RPN1: variants seen among roughly 807,000 people sequenced by gnomAD.
RPN1 encodes the protein ribophorin I, also known as dolichyl-diphosphooligosaccharide--protein glycosyltransferase subunit 1.
In RPN1, 12 loss-of-function variants were observed where a neutral mutation model predicts 55.5. The observed-to-expected ratio is 0.22, with a 90% CI of 0.14 to 0.35. The LOEUF (loss-of-function observed/expected upper bound fraction) is 0.35. RPN1 is among the 10% of genes least tolerant of loss of function. The pLI is 1.00. For synonymous variants in RPN1, 317 were observed against 305.9 expected (o/e 1.04, Z -0.38); for missense variants, 679 against 761.3 (o/e 0.89, Z 1.27).
At chr3:128,646,392 G>A (rs1248562552) in intron 1 of RPN1, among the ~76,000 whole-genome samples, 2 of 151,892 alleles carry the variant, frequency 1.3e-5, no homozygotes, top group Non-Finnish European at 2.9e-5. Flanking sequence ...TAATATAAAA[G>A]TTAAAACTGG....
chr3:128,640,055 C>G (rs982954583), intron 2 of RPN1, among the ~76,000 whole-genome samples: 2 of 151,978 alleles, frequency 1.3e-5, no homozygotes, highest in African/African-American at 4.8e-5. Context: ...GCCTGTAGTC[C>G]CAGATACTCG....
At chr3:128,641,759 C>T (rs2069727316) in intron 2 of RPN1, among the ~76,000 whole-genome samples, 1 of 151,956 alleles carries the variant, frequency 6.6e-6, no homozygotes, top group African/African-American at 2.4e-5. Flanking sequence ...CAGGCATGCA[C>T]CACCACTCCT....
At chr3:128,639,509 T>C (rs2069709245) in intron 2 of RPN1, among the ~76,000 whole-genome samples, 1 of 152,106 alleles carries the variant, frequency 6.6e-6, no homozygotes, top group Non-Finnish European at 1.5e-5. Context: ...TCAAGGAATG[T>C]TCAACAAAAT....
intron 1 of RPN1, among the ~76,000 whole-genome samples, chr3:128,646,779 G>GC (rs2069771887): frequency 2.0e-5 from 3 of 151,538 alleles, no homozygotes; most frequent in African/African-American, 4.9e-5. Context: ...TTTGAGAGCA[G>GC]CTGGCCAACA....
intron 3 of RPN1, among the ~76,000 whole-genome samples, chr3:128,633,850 A>G (rs930076803): frequency 2.6e-5 from 4 of 151,274 alleles, no homozygotes; most frequent in African/African-American, 9.7e-5. Flanking sequence ...AGGTGTGGTG[A>G]TGGGCGCCTG....
rs755358786 is a variant in RPN1 at position 128,620,429 on chromosome 3, G to C, written c.1806C>G (p.His602Gln). ...KRQELVTKID[H>Q]ILDAL ...GCAGGGGCTACAGGGCATCCAGGAT[G>C]TGGTCGATCTTGGTGACCAGCTCCT... Residue 602 changes from histidine to glutamine, a missense_variant, in exon 10 of 10, where the codon CAC becomes CAG. His to Gln is a conservative substitution (Grantham distance 24). Transcript: ENST00000296255. The C allele has an allele frequency of 6.2e-7, 1 of 1,613,818 alleles. No individual in the cohort carries two copies. The highest frequency in any genetic ancestry group is 2.2e-5 in the East Asian group (1 of 44,858).
rs13064206 is a variant in RPN1, at chr3:128,650,598, G to T, written c.203C>A (p.Ser68Tyr). The T allele has an allele frequency of 4.5e-6, 7 of 1,550,016 alleles. No homozygotes were observed. The highest frequency in any genetic ancestry group is 3.4e-4 in the Middle Eastern group (2 of 5,956). Residue 68 changes from serine to tyrosine, a missense_variant, in exon 1 of 10, where the codon TCT becomes TAT. Physicochemically the swap from Ser to Tyr is moderately radical, Grantham distance 144 (BLOSUM62 -2). Coordinates refer to ENST00000296255, the MANE Select transcript of RPN1 (RefSeq NM_002950.4). ...CTCAGGCTCCAAAGCCAGCAGGAAA[G>T]AGGTAGCTCGGGACGTGGAGCCGCC... is the stretch of plus-strand genomic sequence containing the variant. ...LGGGSTSRAT[S>Y]FLLALEPELE... is the part of the protein sequence containing the mutation.
intron 1 of RPN1, among the ~76,000 whole-genome samples, chr3:128,646,621 G>A (rs975519145): frequency 6.6e-6 from 1 of 151,892 alleles, no homozygotes; most frequent in Non-Finnish European, 1.5e-5. Flanking sequence ...AGGAGGTGGA[G>A]GCTGCAGTGA....
intron 6 of RPN1, among the ~76,000 whole-genome samples, 169 bp from the exon 7 acceptor site, chr3:128,626,181 G>A (rs542411728): frequency 1.3e-5 from 2 of 152,226 alleles, no homozygotes; most frequent in Non-Finnish European, 1.5e-5. Flanking sequence ...TGAGACAGGG[G>A]AGCCAGTGCC....
intron 9 of RPN1, 38 bp downstream of exon 9, chr3:128,622,126 G>A: frequency 6.2e-7 from 1 of 1,605,562 alleles, no homozygotes; most frequent in Middle Eastern, 1.7e-4. Context: ...GGCATGGAGG[G>A]CCCCAAGCCA....
chr3:128,628,512 T>C (rs886663383), intron 5 of RPN1, among the ~76,000 whole-genome samples: 5 of 122,890 alleles, frequency 4.1e-5, no homozygotes, highest in African/African-American at 1.5e-4. Flanking sequence ...CTTCCTGGAC[T>C]CAAGTGTTAC....
intron 3 of RPN1, among the ~76,000 whole-genome samples, chr3:128,635,005 C>T (rs1000061350): frequency 1.3e-5 from 2 of 152,268 alleles, no homozygotes; most frequent in Middle Eastern, 3.4e-3. Context: ...AGAAATCATG[C>T]AGTTAGAGAA....
intron 1 of RPN1, among the ~76,000 whole-genome samples, chr3:128,648,864 C>T (rs1053621027): frequency 1.3e-5 from 2 of 152,210 alleles, no homozygotes; most frequent in Admixed American, 6.5e-5. Flanking sequence ...ACACAACTTA[C>T]GGAATAAGCT....
chr3:128,636,087 TTA>T (rs1291949136), intron 3 of RPN1, among the ~76,000 whole-genome samples: 1 of 152,154 alleles, frequency 6.6e-6, no homozygotes, highest in Non-Finnish European at 1.5e-5. Context: ...ATTCAAAAAA[TTA>T]TGTTAATAAA....
chr3:128,645,669 T>C (rs2069761691), intron 1 of RPN1, among the ~76,000 whole-genome samples: 1 of 150,824 alleles, frequency 6.6e-6, no homozygotes, highest in Non-Finnish European at 1.5e-5. Flanking sequence ...ATACAAAAAT[T>C]AACCAGGCGT....
At chr3:128,633,372 G>A (rs928674164) in intron 3 of RPN1, among the ~76,000 whole-genome samples, 2 of 151,852 alleles carry the variant, frequency 1.3e-5, no homozygotes, top group African/African-American at 4.8e-5. Flanking sequence ...GATTCCAGGT[G>A]CATGCCACCA....
At chr3:128,625,470 G>A in intron 8 of RPN1, 64 bp downstream of exon 8, 2 of 1,612,452 alleles carry the variant, frequency 1.2e-6, no homozygotes, top group South Asian at 2.2e-5. Context: ...GAGGATCAGT[G>A]CTCAAGCTGG....
In RPN1 at chr3:128,620,350, C is replaced by T; in HGVS notation, c.*61G>A. 1 of 1,514,272 alleles carries T rather than the reference C, an allele frequency of 6.6e-7. No homozygotes were observed. Among genetic ancestry groups the T allele is most frequent in the East Asian group, 2.3e-5 (1 of 43,548 alleles). 93.8% of individuals were successfully genotyped at this position (1,514,272 alleles called of 1,614,324 possible). A position where few individuals can be genotyped will look rare whatever the true frequency, so the allele number is the denominator to read the frequency against. On this transcript the variant is annotated 3_prime_UTR_variant, in exon 10 of 10. Coordinates refer to ENST00000296255, the MANE Select transcript of RPN1 (RefSeq NM_002950.4). The stretch of plus-strand genomic sequence containing the variant: ...CCATGCACAACCTCCCACTACCACC[C>T]AATCTGCCTGCCACAGCAAAGTGCA...
intron 2 of RPN1, among the ~76,000 whole-genome samples, chr3:128,638,870 G>C (rs1272648235): frequency 6.6e-6 from 1 of 152,098 alleles, no homozygotes; most frequent in Non-Finnish European, 1.5e-5. Flanking sequence ...AGAGGTTGAA[G>C]TGGGAGGATC....
Sources: allele counts gnomAD v4.1 joint callset (sites outside exome capture counted in the v4.1 genomes callset), GRCh38; gene constraint gnomAD v4.1.1; transcripts MANE v1.5; gene names NCBI Gene and HGNC (gene_info 2026-07-23, HGNC 2026-07-21).